The following TAFA5 variants were observed in gnomAD, a reference collection of about 807,000 sequenced individuals.
TAFA5 encodes TAFA chemokine like family member 5, also known as chemokine-like protein TAFA-5.
In TAFA5, 6 loss-of-function variants were observed where a neutral mutation model predicts 15.3. That is an observed-to-expected ratio of 0.39 (90% CI 0.21 to 0.77). The LOEUF is 0.77. Ranked by LOEUF, TAFA5 falls within the 30% of genes least tolerant of loss-of-function variation. The pLI, the probability that TAFA5 is intolerant of heterozygous loss-of-function variation, is 0.41. For missense variants in TAFA5, 161 were observed against 193.1 expected (o/e 0.83, Z 0.98); for synonymous variants, 103 against 80.7 (o/e 1.28, Z -1.48).
chr22:48,588,711 G>A (rs541480922), intron 1 of TAFA5, among the ~76,000 whole-genome samples: 3 of 152,248 alleles, frequency 2.0e-5, no homozygotes, highest in Non-Finnish European at 2.9e-5. Context: ...GTTGGGGCAG[G>A]GCAGGGCCTG....
intron 1 of TAFA5, among the ~76,000 whole-genome samples, chr22:48,505,698 C>T (rs988962007): frequency 6.6e-6 from 1 of 152,188 alleles, no homozygotes; most frequent in African/African-American, 2.4e-5. Context: ...TCACCCGAAG[C>T]ATGCCCTGTG....
At chr22:48,664,632 A>C (rs1156755697) in intron 2 of TAFA5, among the ~76,000 whole-genome samples, 1 of 152,118 alleles carries the variant, frequency 6.6e-6, no homozygotes, top group Non-Finnish European at 1.5e-5. Context: ...CCCTTGGCTC[A>C]CCAGAGCCCT....
At chr22:48,661,890 C>G (rs1282714922) in intron 2 of TAFA5, among the ~76,000 whole-genome samples, 1 of 149,844 alleles carries the variant, frequency 6.7e-6, no homozygotes, top group Non-Finnish European at 1.5e-5. Flanking sequence ...GGGGTGCCCA[C>G]TTTGGGGAGA....
intron 1 of TAFA5, among the ~76,000 whole-genome samples, chr22:48,501,418 CG>C (rs1569160343): frequency 6.6e-6 from 1 of 152,228 alleles, no homozygotes; most frequent in Non-Finnish European, 1.5e-5. Flanking sequence ...CTCCAGCACC[CG>C]GGCGGTGTGC....
chr22:48,531,630 C>T (rs1244070787), intron 1 of TAFA5, among the ~76,000 whole-genome samples: 1 of 152,164 alleles, frequency 6.6e-6, no homozygotes. Flanking sequence ...TGGACCCTCC[C>T]TTCCTCGCCT....
intron 1 of TAFA5, among the ~76,000 whole-genome samples, chr22:48,558,403 T>C (rs927283100): frequency 6.6e-6 from 1 of 152,210 alleles, no homozygotes; most frequent in African/African-American, 2.4e-5. Context: ...CGCTCTTTAA[T>C]GTCTGTCGCA....
chr22:48,575,290 G>A (rs1923726708), intron 1 of TAFA5, among the ~76,000 whole-genome samples: 1 of 151,782 alleles, frequency 6.6e-6, no homozygotes, highest in African/African-American at 2.4e-5. Flanking sequence ...GGCCCCACCT[G>A]ACCCGCCGGC....
intron 1 of TAFA5, among the ~76,000 whole-genome samples, chr22:48,555,295 T>C (rs16999409): frequency 0.042 from 6,395 of 152,212 alleles, 455 homozygotes; most frequent in African/African-American, 0.15. Flanking sequence ...GCTTCCCAGG[T>C]GCCTGGGCAT....
chr22:48,678,265 G>A (rs5771940), intron 2 of TAFA5, among the ~76,000 whole-genome samples: 68,016 of 151,982 alleles, frequency 0.45, 16,650 homozygotes, highest in East Asian at 0.79. Context: ...GCTCTCTCCC[G>A]CCGGCTCTGT....
At chr22:48,641,867 G>T (rs987333816) in intron 1 of TAFA5, among the ~76,000 whole-genome samples, 1 of 152,210 alleles carries the variant, frequency 6.6e-6, no homozygotes, top group Admixed American at 6.5e-5. Context: ...CTTTATTTTT[G>T]AATGTTTTTC....
chr22:48,745,001 C>T (rs1246172464), intron 3 of TAFA5, among the ~76,000 whole-genome samples: 1 of 152,194 alleles, frequency 6.6e-6, no homozygotes, highest in Admixed American at 6.5e-5. Context: ...GGTGATCCAC[C>T]TGCCTTGGCC....
chr22:48,609,703 C>T (rs1308544318), intron 1 of TAFA5, among the ~76,000 whole-genome samples: 1 of 152,228 alleles, frequency 6.6e-6, no homozygotes, highest in East Asian at 1.9e-4. Flanking sequence ...GCAGCCTCTA[C>T]ACGACTGGTG....
At chr22:48,666,057 C>A (rs6010573) in intron 2 of TAFA5, among the ~76,000 whole-genome samples, 2,637 of 152,314 alleles carry the variant, frequency 0.017, 70 homozygotes, top group African/African-American at 0.06. Context: ...GGTCCCCGGC[C>A]TGGTGGTCTT....
chr22:48,565,598 CT>C (rs1454113568), intron 1 of TAFA5, among the ~76,000 whole-genome samples: 4 of 152,248 alleles, frequency 2.6e-5, no homozygotes, highest in Non-Finnish European at 5.9e-5. Flanking sequence ...CACAGAGAAA[CT>C]GTCATTCTCA....
At chr22:48,716,012 C>T (rs1929391483) in intron 3 of TAFA5, among the ~76,000 whole-genome samples, 1 of 152,170 alleles carries the variant, frequency 6.6e-6, no homozygotes. Flanking sequence ...GGAATCCTTT[C>T]CCATTGCTTG....
chr22:48,537,986 C>T (rs1049572228), intron 1 of TAFA5, among the ~76,000 whole-genome samples: 3 of 152,210 alleles, frequency 2.0e-5, no homozygotes, highest in Non-Finnish European at 2.9e-5. Context: ...AGGCAGTGCA[C>T]GGACCTCTCT....
intron 2 of TAFA5, among the ~76,000 whole-genome samples, chr22:48,654,793 C>T (rs768643867): frequency 5.2e-4 from 79 of 152,176 alleles, no homozygotes; most frequent in Non-Finnish European, 1.0e-3. Flanking sequence ...CTTGATCCAG[C>T]ACCCACTCTG....
At chr22:48,606,307 G>A (rs778052244) in intron 1 of TAFA5, among the ~76,000 whole-genome samples, 62 of 152,290 alleles carry the variant, frequency 4.1e-4, no homozygotes, top group South Asian at 8.3e-4. Context: ...CGGAGACAGC[G>A]TGCACTCCAG....
chr22:48,690,100 G>T (rs34172534), intron 2 of TAFA5, among the ~76,000 whole-genome samples: 13,639 of 152,170 alleles, frequency 0.09, 870 homozygotes, highest in Admixed American at 0.21. Context: ...ATCAGCTGGA[G>T]GCCAGGGGCC....
Sources: allele counts gnomAD v4.1 joint callset (sites outside exome capture counted in the v4.1 genomes callset), GRCh38; gene constraint gnomAD v4.1.1; transcripts MANE v1.5; gene names NCBI Gene and HGNC (gene_info 2026-07-23, HGNC 2026-07-21).